Variants in TAF3 observed in about 807,000 individuals in gnomAD.
TAF3 encodes TATA-box binding protein associated factor 3.
A neutral mutation model predicts 80.6 loss-of-function variants in TAF3; 7 were observed. The observed-to-expected ratio is 0.09, with a 90% CI of 0.05 to 0.16. The LOEUF (loss-of-function observed/expected upper bound fraction) is 0.16. Ranked by LOEUF, TAF3 falls within the 10% of genes least tolerant of loss-of-function variation. The probability of loss-of-function intolerance (pLI) is 1.00; values close to 1 mark genes in which losing one functional copy is unlikely to be tolerated. For missense variants in TAF3, 921 were observed against 1,140.2 expected, an observed-to-expected ratio of 0.81 and a Z score of 2.77; for synonymous variants, 444 against 446.1, an observed-to-expected ratio of 1.00 and a Z score of 0.06.
intron 2 of TAF3, among the ~76,000 whole-genome samples, chr10:7,842,286 A>G (rs1172252649): frequency 2.1e-5 from 3 of 144,190 alleles, no homozygotes; most frequent in Non-Finnish European, 4.5e-5. Context: ...CAGTCCTACC[A>G]CCAGCTGGGA....
chr10:7,919,341 C>G (rs115514025), intron 2 of TAF3, among the ~76,000 whole-genome samples: 70 of 152,234 alleles, frequency 4.6e-4, no homozygotes, highest in African/African-American at 1.6e-3. Context: ...CAGTATTGAG[C>G]CCGGGGAGGG....
chr10:7,929,859 A>G (rs748910949), intron 2 of TAF3, among the ~76,000 whole-genome samples: 56 of 152,174 alleles, frequency 3.7e-4, no homozygotes, highest in Non-Finnish European at 6.3e-4. Flanking sequence ...AAAAGAGAAC[A>G]GTAAGAGTAG....
intron 2 of TAF3, among the ~76,000 whole-genome samples, chr10:7,935,326 G>T (rs969339648): frequency 6.6e-6 from 1 of 151,898 alleles, no homozygotes; most frequent in Non-Finnish European, 1.5e-5. Context: ...GGCCAGGCGC[G>T]GTGGCTTATG....
chr10:7,964,305 A>C lies in TAF3; in HGVS notation c.795A>C (p.Thr265=). 1 of 1,614,222 alleles carries C rather than the reference A, an allele frequency of 6.2e-7. No homozygotes were observed. Among genetic ancestry groups the C allele is most frequent in the Non-Finnish European group, 8.5e-7 (1 of 1,180,036 alleles). The change falls in exon 3 of 7, where the codon ACA becomes ACC. Residue 265 remains threonine, a synonymous_variant. Transcript: ENST00000344293. The surrounding 1 kb of genome is among the most constrained non-coding windows in gnomAD (Gnocchi z 4.1). ...SQMPTAKPLE[T]KSFTPKTKTK... ...TGCCAACTGCAAAACCATTAGAAAC[A>C]AAGTCATTTACACCTAAAACAAAGA...
At chr10:7,944,089 ATGCT>A (rs1838000793) in intron 2 of TAF3, among the ~76,000 whole-genome samples, 1 of 126,866 alleles carries the variant, frequency 7.9e-6, no homozygotes, top group South Asian at 2.9e-4. Flanking sequence ...TAAAATGTTC[ATGCT>A]TGTGTGTGTG....
chr10:7,937,454 C>G (rs143354381), intron 2 of TAF3, among the ~76,000 whole-genome samples: 265 of 152,304 alleles, frequency 1.7e-3, no homozygotes, highest in African/African-American at 6.0e-3. Context: ...ATCTTTTCAT[C>G]TTTTCCTGTG....
intron 2 of TAF3, among the ~76,000 whole-genome samples, chr10:7,855,815 C>G (rs909720738): frequency 5.9e-5 from 9 of 151,980 alleles, no homozygotes; most frequent in African/African-American, 2.2e-4. Context: ...GGCGTGGTGG[C>G]TCACACCTGT....
At position 7,818,600 on chromosome 10, in the gene TAF3, C is replaced by G; in HGVS notation, c.-110C>G. The stretch of plus-strand genomic sequence containing the variant: ...GTGGTCGCCGGGGGTCCGGGGGACC[C>G]TTTCCCCGCCGCGGAAGCCCTAGAG... On this transcript the variant is annotated 5_prime_UTR_variant, in exon 1 of 7. Coordinates refer to ENST00000344293, the MANE Select transcript of TAF3 (RefSeq NM_031923.4). 7.7e-7 allele frequency: 1 copy of G among 1,291,170 alleles called. No homozygotes were observed. Among genetic ancestry groups the G allele is most frequent in the Non-Finnish European group, 1.0e-6 (1 of 981,756 alleles). 80.0% of individuals were successfully genotyped at this position (1,291,170 alleles called of 1,614,324 possible). A position where few individuals can be genotyped will look rare whatever the true frequency, so the allele number is the denominator to read the frequency against.
At chr10:7,878,182 G>T (rs183056671) in intron 2 of TAF3, among the ~76,000 whole-genome samples, 1 of 152,126 alleles carries the variant, frequency 6.6e-6, no homozygotes, top group East Asian at 1.9e-4. Context: ...ATTTTGTGAG[G>T]CCTAAAGCTT....
At chr10:8,008,367 A>G (rs1241851416) in intron 4 of TAF3, among the ~76,000 whole-genome samples, 1 of 152,078 alleles carries the variant, frequency 6.6e-6, no homozygotes, top group Non-Finnish European at 1.5e-5. Flanking sequence ...CCAGAGTGCT[A>G]GGATTACAGG....
intron 2 of TAF3, among the ~76,000 whole-genome samples, chr10:7,831,535 G>C (rs908320146): frequency 1.5e-4 from 23 of 152,062 alleles, no homozygotes; most frequent in African/African-American, 5.6e-4. Context: ...TAGTAGAGGC[G>C]AGGTTTCACC....
At chr10:7,973,912 G>A (rs1049765182) in intron 3 of TAF3, among the ~76,000 whole-genome samples, 2 of 151,948 alleles carry the variant, frequency 1.3e-5, no homozygotes, top group African/African-American at 2.4e-5. Flanking sequence ...GGCAGATCAC[G>A]AGATCAGGAG....
intron 2 of TAF3, among the ~76,000 whole-genome samples, chr10:7,963,593 T>C (rs948826078): frequency 4.6e-5 from 7 of 152,000 alleles, no homozygotes; most frequent in Admixed American, 1.3e-4. Context: ...CACTCATAAG[T>C]GGGAGTTGAA....
chr10:7,893,320 TAGAG>T (rs1387274128), intron 2 of TAF3, among the ~76,000 whole-genome samples: 2 of 152,204 alleles, frequency 1.3e-5, no homozygotes, highest in Non-Finnish European at 2.9e-5. Context: ...ACAAGCCTAA[TAGAG>T]AAACTTTTTT....
At chr10:7,835,160 A>G (rs559006822) in intron 2 of TAF3, among the ~76,000 whole-genome samples, 2 of 152,332 alleles carry the variant, frequency 1.3e-5, no homozygotes, top group Non-Finnish European at 2.9e-5. Flanking sequence ...CTGGAAGAAG[A>G]AGGATTGTCT....
At chr10:7,963,686 C>T (rs139515393) in intron 2 of TAF3, among the ~76,000 whole-genome samples, 33 of 151,972 alleles carry the variant, frequency 2.2e-4, no homozygotes, top group African/African-American at 7.5e-4. Context: ...GGAGGGATAG[C>T]GTTAGGAGAA....
In TAF3 at chr10:7,889,956, A is replaced by G. The variant is rs372377693; in HGVS notation, c.409+65396A>G. On this transcript the variant is annotated intron_variant, in intron 2 of 6. Coordinates refer to ENST00000344293, the MANE Select transcript of TAF3 (RefSeq NM_031923.4). The stretch of plus-strand genomic sequence containing the variant: ...CCAGTGTCGTTTTCCTCCCTCCTCT[A>G]GTTTATCTTCCATCCTGCTGCCAGA... Among the ~76,000 whole-genome samples, 3 of 152,212 alleles carry G rather than the reference A, an allele frequency of 2.0e-5. No homozygotes were observed. In the East Asian group the frequency reaches 5.8e-4, roughly 29 times the overall value.
intron 4 of TAF3, among the ~76,000 whole-genome samples, chr10:7,989,924 A>G (rs1831817489): frequency 6.6e-6 from 1 of 152,156 alleles, no homozygotes; most frequent in Non-Finnish European, 1.5e-5. Flanking sequence ...TATTTTTATA[A>G]CTTTGTACAT....
intron 2 of TAF3, among the ~76,000 whole-genome samples, chr10:7,874,765 A>T (rs1474804377): frequency 1.3e-5 from 2 of 151,488 alleles, no homozygotes; most frequent in Non-Finnish European, 2.9e-5. Flanking sequence ...TGTAGATTGC[A>T]TTTCTTTTCT....
Sources: allele counts gnomAD v4.1 joint callset (sites outside exome capture counted in the v4.1 genomes callset), GRCh38; gene constraint gnomAD v4.1.1; non-coding constraint Gnocchi (gnomAD v3.1); transcripts MANE v1.5; gene names NCBI Gene and HGNC (gene_info 2026-07-23, HGNC 2026-07-21).